DLG2: variants seen among roughly 807,000 people sequenced by gnomAD.
DLG2 encodes the protein disks large homolog 2.
A neutral mutation model predicts 132.5 loss-of-function variants in DLG2; 45 were observed. The ratio of observed to expected loss-of-function variants is 0.34; its 90% CI spans 0.27 to 0.44. The LOEUF (loss-of-function observed/expected upper bound fraction) is 0.44, where lower values mean the gene tolerates loss of function less well. Among genes scored for constraint, DLG2 ranks in the 20% least tolerant of loss-of-function variants. The pLI, the probability that DLG2 is intolerant of heterozygous loss-of-function variation, is 1.00. For missense variants in DLG2, 1,045 were observed against 1,196.9 expected, an observed-to-expected ratio of 0.87 and a Z score of 1.87; for synonymous variants, 424 against 419.6, an observed-to-expected ratio of 1.01 and a Z score of -0.13.
At chr11:85,566,527 C>T (rs889089410) in intron 3 of DLG2, among the ~76,000 whole-genome samples, 2 of 152,054 alleles carry the variant, frequency 1.3e-5, no homozygotes, top group Non-Finnish European at 2.9e-5. Flanking sequence ...ATCAGAGTGC[C>T]AGCATGGCCA....
chr11:83,999,131 T>C (rs1041015144), intron 11 of DLG2, among the ~76,000 whole-genome samples: 6 of 152,146 alleles, frequency 3.9e-5, no homozygotes, highest in African/African-American at 2.4e-5. Flanking sequence ...CTGGGAATCA[T>C]GACACCTCTG....
intron 6 of DLG2, among the ~76,000 whole-genome samples, chr11:85,003,573 T>C (rs2058389836): frequency 6.6e-6 from 1 of 152,304 alleles, no homozygotes; most frequent in Non-Finnish European, 1.5e-5. Flanking sequence ...AATTTAAATG[T>C]AGGAGTTCTA....
chr11:84,048,891 G>GA (rs1388947213), intron 11 of DLG2, among the ~76,000 whole-genome samples: 1 of 151,504 alleles, frequency 6.6e-6, no homozygotes, highest in Non-Finnish European at 1.5e-5. Flanking sequence ...ACAGATCAGG[G>GA]AAAAAAGAAG....
chr11:85,487,290 CACA>C lies in DLG2; in HGVS notation c.40+111364_40+111366del, dbSNP rs575938892. 5.1e-4 allele frequency among the ~76,000 whole-genome samples: 78 copies of C among 151,574 alleles called. 2 individuals are homozygous for C. The highest frequency in any genetic ancestry group is 1.6e-3 in the African/African-American group (68 of 41,362). ...AGGAAATATGATACCATCAAAGGAA[CACA>C]ACAATTCCCTGAAATAAATCACAAT... On this transcript the variant is annotated intron_variant, in intron 3 of 27. Transcript: ENST00000376104.
intron 7 of DLG2, among the ~76,000 whole-genome samples, chr11:84,298,311 G>A (rs1342690349): frequency 1.3e-5 from 2 of 152,180 alleles, no homozygotes; most frequent in Non-Finnish European, 1.5e-5. Flanking sequence ...CTTGATATAA[G>A]GTATATTTTA....
chr11:83,838,079 T>TG (rs1189282713), intron 16 of DLG2, among the ~76,000 whole-genome samples: 2 of 68,532 alleles, frequency 2.9e-5, no homozygotes, highest in African/African-American at 3.0e-4. Flanking sequence ...TGATTAGGAC[T>TG]CTGACATTTG....
intron 5 of DLG2, among the ~76,000 whole-genome samples, chr11:85,132,189 T>G (rs191653979): frequency 6.6e-6 from 1 of 152,326 alleles, no homozygotes; most frequent in Non-Finnish European, 1.5e-5. Flanking sequence ...AATGCAAATA[T>G]TTGTGTATAA....
At chr11:84,689,897 G>C (rs1033797920) in intron 6 of DLG2, among the ~76,000 whole-genome samples, 1 of 151,878 alleles carries the variant, frequency 6.6e-6, no homozygotes, top group African/African-American at 2.4e-5. Flanking sequence ...AATTTGAATA[G>C]AGCCATGTGA....
rs539304300 is a variant in DLG2, at chr11:85,526,009, G to A, written c.40+72648C>T. On this transcript the variant is annotated intron_variant, in intron 3 of 27. Transcript: ENST00000376104. ...AGGATTAGAGAAAACAGTACTTAAG[G>A]CTGACACAGATCTAGGAATATTTCC... 2.6e-5 allele frequency among the ~76,000 whole-genome samples: 4 copies of A among 152,266 alleles called. No individual in the cohort carries two copies. In the South Asian group the frequency reaches 6.2e-4, roughly 24 times the overall value.
chr11:85,068,646 A>G (rs1182419488), intron 6 of DLG2, among the ~76,000 whole-genome samples: 1 of 152,104 alleles, frequency 6.6e-6, no homozygotes, highest in Non-Finnish European at 1.5e-5. Flanking sequence ...TCAAGGAAAT[A>G]AAAGAGGATA....
At chr11:85,598,177 C>T (rs1416330483) in intron 3 of DLG2, among the ~76,000 whole-genome samples, 1 of 151,984 alleles carries the variant, frequency 6.6e-6, no homozygotes, top group Non-Finnish European at 1.5e-5. Flanking sequence ...GGATCATAAA[C>T]TTTCCTAAGA....
At chr11:83,947,078 G>A (rs141842438) in intron 14 of DLG2, among the ~76,000 whole-genome samples, 83 of 152,202 alleles carry the variant, frequency 5.5e-4, no homozygotes, top group African/African-American at 1.9e-3. Context: ...ACTGGAAAGC[G>A]TCATGATAGA....
In DLG2 at chr11:85,058,606, T is replaced by C. The variant is rs73523425; in HGVS notation, c.357+53055A>G. On this transcript the variant is annotated intron_variant, in intron 6 of 27. Coordinates refer to ENST00000376104, the MANE Select transcript of DLG2 (RefSeq NM_001142699.3). ...ATGAAAATTGTGTAGAAATATCAAA[T>C]TGTAGGACTTACACTACCAGATATT... Among the ~76,000 whole-genome samples, 414 of 151,628 alleles carry C rather than the reference T, an allele frequency of 2.7e-3. 2 individuals carry two copies. Among genetic ancestry groups the C allele is most frequent in the African/African-American group, 9.6e-3 (397 of 41,514 alleles).
intron 6 of DLG2, among the ~76,000 whole-genome samples, chr11:84,980,132 G>T (rs1032608332): frequency 6.6e-6 from 1 of 152,104 alleles, no homozygotes; most frequent in Non-Finnish European, 1.5e-5. Flanking sequence ...GCATACCATC[G>T]TGTCAAGTAG....
intron 3 of DLG2, among the ~76,000 whole-genome samples, chr11:85,433,648 G>A (rs973927653): frequency 3.3e-5 from 5 of 152,144 alleles, no homozygotes; most frequent in Non-Finnish European, 5.9e-5. Flanking sequence ...CCCAATACAG[G>A]AGCACCCAGA....
At chr11:85,383,241 T>A (rs1471824836) in intron 3 of DLG2, among the ~76,000 whole-genome samples, 1 of 152,180 alleles carries the variant, frequency 6.6e-6, no homozygotes, top group Non-Finnish European at 1.5e-5. Context: ...ACATGTTGTA[T>A]GATTTCATTT....
chr11:84,522,383 C>G (rs2099306100), intron 7 of DLG2, among the ~76,000 whole-genome samples: 1 of 152,050 alleles, frequency 6.6e-6, no homozygotes, highest in Non-Finnish European at 1.5e-5. Flanking sequence ...GCCTTAAGGT[C>G]AAGGTGGGAG....
intron 11 of DLG2, among the ~76,000 whole-genome samples, chr11:84,002,447 C>A (rs953569946): frequency 6.6e-6 from 1 of 152,162 alleles, no homozygotes; most frequent in African/African-American, 2.4e-5. Context: ...CAGCAAACTT[C>A]TGCCTGGACA....
At chr11:84,367,449 A>T (rs146253451) in intron 7 of DLG2, among the ~76,000 whole-genome samples, 1 of 152,122 alleles carries the variant, frequency 6.6e-6, no homozygotes, top group Non-Finnish European at 1.5e-5. Context: ...GTCCCATTCA[A>T]GCAGGATGAT....
Sources: allele counts gnomAD v4.1 joint callset (sites outside exome capture counted in the v4.1 genomes callset), GRCh38; gene constraint gnomAD v4.1.1; transcripts MANE v1.5; gene names NCBI Gene and HGNC (gene_info 2026-07-23, HGNC 2026-07-21).